RORA: variants seen among roughly 807,000 people sequenced by gnomAD.
The protein encoded by RORA is RAR related orphan receptor A.
A neutral mutation model predicts 69.5 loss-of-function variants in RORA; 7 were observed. The ratio of observed to expected loss-of-function variants is 0.10; its 90% CI spans 0.06 to 0.19. The LOEUF (loss-of-function observed/expected upper bound fraction) is 0.19, where lower values mean the gene tolerates loss of function less well. RORA is among the 10% of genes least tolerant of loss of function. The pLI is 1.00. For synonymous variants in RORA, 261 were observed against 240.8 expected (o/e 1.08, Z -0.78); for missense variants, 457 against 663.0 (o/e 0.69, Z 3.41).
At position 61,131,719 on chromosome 15, in the gene RORA, A is replaced by G. The variant is rs947808800; in HGVS notation, c.166+97334T>C. ...CCAACATCGGAGCTCAATTTGGTAC[A>G]GTGGAAAAACATACTGAGCAGAAAT... On this transcript the variant is annotated intron_variant, in intron 1 of 10. Transcript: ENST00000335670. This position sits in a 1 kb window ranked among gnomAD's most constrained non-coding sequence, Gnocchi z 4.2. Among the ~76,000 whole-genome samples the G allele has an allele frequency of 1.3e-5, 2 of 152,260 alleles. No individual in the cohort carries two copies. The highest frequency in any genetic ancestry group is 2.4e-5 in the African/African-American group (1 of 41,474).
intron 1 of RORA, among the ~76,000 whole-genome samples, chr15:60,762,677 C>T (rs12437583): frequency 0.066 from 10,059 of 152,260 alleles, 436 homozygotes; most frequent in Admixed American, 0.12. Flanking sequence ...TGTCATTTTA[C>T]TTGAAGCTAC....
intron 1 of RORA, among the ~76,000 whole-genome samples, chr15:60,716,442 AT>A (rs1443536816): frequency 6.6e-6 from 1 of 152,194 alleles, no homozygotes; most frequent in Non-Finnish European, 1.5e-5. Flanking sequence ...TTGGGTTTGA[AT>A]TTCATCAATA....
intron 1 of RORA, among the ~76,000 whole-genome samples, chr15:60,728,966 T>C (rs191208283): frequency 3.9e-5 from 6 of 152,338 alleles, no homozygotes; most frequent in Non-Finnish European, 7.3e-5. Context: ...AGTTATCCCA[T>C]CTGAACACAG....
At chr15:60,657,238 TCTC>T (rs1381122703) in intron 2 of RORA, among the ~76,000 whole-genome samples, 2 of 152,046 alleles carry the variant, frequency 1.3e-5, no homozygotes, top group African/African-American at 2.4e-5. Flanking sequence ...GTCTCTTTCT[TCTC>T]CTCCTCCTCT....
At chr15:60,884,694 T>C (rs755354350) in intron 1 of RORA, among the ~76,000 whole-genome samples, 4 of 152,190 alleles carry the variant, frequency 2.6e-5, no homozygotes, top group Non-Finnish European at 5.9e-5. Flanking sequence ...GTTTATTGAC[T>C]CTATTAAGGT....
intron 1 of RORA, among the ~76,000 whole-genome samples, chr15:61,220,043 T>C (rs565910155): frequency 3.9e-5 from 6 of 152,360 alleles, no homozygotes; most frequent in Admixed American, 1.3e-4. Context: ...GCCTGGTCTA[T>C]AGAAATTGCC....
intron 1 of RORA, among the ~76,000 whole-genome samples, chr15:61,059,952 AGAAGAAGAAGAG>A (rs1566968666): frequency 3.6e-4 from 44 of 122,476 alleles, no homozygotes; most frequent in Middle Eastern, 4.2e-3. Context: ...AAGAAGAAGA[AGAAGAAGAAGAG>A]GAAGAGGAAG....
At chr15:61,177,656 A>C (rs1315284612) in intron 1 of RORA, among the ~76,000 whole-genome samples, 1 of 152,140 alleles carries the variant, frequency 6.6e-6, no homozygotes, top group Non-Finnish European at 1.5e-5. Flanking sequence ...ATAAAAAACA[A>C]GAAAGGAACC....
At chr15:60,607,949 A>G (rs913404797) in intron 2 of RORA, among the ~76,000 whole-genome samples, 3 of 152,248 alleles carry the variant, frequency 2.0e-5, no homozygotes, top group Admixed American at 6.5e-5. Flanking sequence ...ATGCACACAC[A>G]TGATACCGAT....
intron 1 of RORA, among the ~76,000 whole-genome samples, chr15:61,056,948 T>C (rs1285975037): frequency 6.6e-6 from 1 of 152,250 alleles, no homozygotes; most frequent in African/African-American, 2.4e-5. Context: ...AGCTGTACCA[T>C]GAAAAGGCGA....
intron 1 of RORA, among the ~76,000 whole-genome samples, chr15:61,113,695 G>A (rs112002609): frequency 1.9e-3 from 284 of 152,058 alleles, no homozygotes; most frequent in African/African-American, 6.6e-3. Flanking sequence ...ACACACACAC[G>A]CACGTGTGCA....
At chr15:60,613,633 G>A (rs866886262) in intron 2 of RORA, among the ~76,000 whole-genome samples, 3 of 150,948 alleles carry the variant, frequency 2.0e-5, no homozygotes, top group Non-Finnish European at 4.4e-5. Context: ...GAACTCTTTT[G>A]AAAATCCTAA....
intron 1 of RORA, among the ~76,000 whole-genome samples, chr15:61,094,739 A>G (rs552185773): frequency 6.6e-6 from 1 of 152,346 alleles, no homozygotes; most frequent in African/African-American, 2.4e-5. Flanking sequence ...TGCTGGAGAT[A>G]CAATCACAAA....
chr15:61,011,137 C>G (rs1023698573), intron 1 of RORA, among the ~76,000 whole-genome samples: 2 of 152,208 alleles, frequency 1.3e-5, no homozygotes, highest in South Asian at 2.1e-4. Context: ...TCCCACCCCC[C>G]TCATTCAACT....
chr15:60,835,133 A>C (rs1567207886), intron 1 of RORA, among the ~76,000 whole-genome samples: 1 of 152,064 alleles, frequency 6.6e-6, no homozygotes, highest in African/African-American at 2.4e-5. Flanking sequence ...AGGGAGAGAC[A>C]CCCCAGTCAC....
At chr15:60,738,750 TACACAGAGGAAGC>T (rs1352618998) in intron 1 of RORA, among the ~76,000 whole-genome samples, 1 of 152,252 alleles carries the variant, frequency 6.6e-6, no homozygotes, top group Admixed American at 6.5e-5. Flanking sequence ...ACTGGTGGCT[TACACAGAGGAAGC>T]GCATTGTCTT....
At chr15:60,886,804 C>T (rs998404739) in intron 1 of RORA, among the ~76,000 whole-genome samples, 1 of 152,214 alleles carries the variant, frequency 6.6e-6, no homozygotes. Flanking sequence ...GTTACAACTT[C>T]TTCCTAGACA....
intron 2 of RORA, among the ~76,000 whole-genome samples, chr15:60,557,344 C>T (rs917842967): frequency 1.3e-5 from 2 of 152,094 alleles, no homozygotes; most frequent in Non-Finnish European, 2.9e-5. Context: ...TCTGGCACTA[C>T]GAGAGGATGT....
At chr15:61,110,112 A>G (rs1290939189) in intron 1 of RORA, among the ~76,000 whole-genome samples, 1 of 152,236 alleles carries the variant, frequency 6.6e-6, no homozygotes, top group Non-Finnish European at 1.5e-5. Flanking sequence ...GAGTACACAC[A>G]GACTGGCCAG....
Sources: allele counts gnomAD v4.1 joint callset (sites outside exome capture counted in the v4.1 genomes callset), GRCh38; gene constraint gnomAD v4.1.1; non-coding constraint Gnocchi (gnomAD v3.1); transcripts MANE v1.5; gene names NCBI Gene and HGNC (gene_info 2026-07-23, HGNC 2026-07-21).